The following HERC1 variants were observed in gnomAD, a reference collection of about 807,000 sequenced individuals.
HERC1 encodes probable E3 ubiquitin-protein ligase HERC1.
In HERC1, 160 loss-of-function variants were observed where a neutral mutation model predicts 554.3. The ratio of observed to expected loss-of-function variants is 0.29; its 90% CI spans 0.25 to 0.33. The LOEUF is 0.33. HERC1 is among the 10% of genes least tolerant of loss of function. The pLI is 1.00. For synonymous variants in HERC1, 2,175 were observed against 2,131.7 expected (o/e 1.02, Z -0.56); for missense variants, 4,919 against 5,918.5 (o/e 0.83, Z 5.54).
intron 3 of HERC1, among the ~76,000 whole-genome samples, chr15:63,761,677 T>G (rs2075617005): frequency 1.3e-5 from 2 of 152,116 alleles, no homozygotes; most frequent in Non-Finnish European, 2.9e-5. Context: ...AAAGCATAAT[T>G]TAGAAATTAA....
At chr15:63,818,373 C>T (rs1206917883) in intron 1 of HERC1, among the ~76,000 whole-genome samples, 2 of 152,060 alleles carry the variant, frequency 1.3e-5, no homozygotes, top group African/African-American at 2.4e-5. Context: ...CCCTTTCCTG[C>T]CTGCCTACTC....
At chr15:63,809,842 T>G (rs1473045308) in intron 1 of HERC1, among the ~76,000 whole-genome samples, 2 of 152,018 alleles carry the variant, frequency 1.3e-5, no homozygotes, top group Non-Finnish European at 2.9e-5. Flanking sequence ...TGACGTTTTT[T>G]GTTTTCTGCT....
chr15:63,831,722 G>C (rs1345755598), intron 1 of HERC1, among the ~76,000 whole-genome samples: 1 of 151,978 alleles, frequency 6.6e-6, no homozygotes, highest in Non-Finnish European at 1.5e-5. Flanking sequence ...CGTTGGAATT[G>C]TTATTACTAT....
chr15:63,754,652 G>A lies in HERC1; in HGVS notation c.1631-4C>T. ...CGACTATTGCTGTCACCATGACCTT[G>A]GATAAAACACACACAACAACAAAGA... On this transcript the variant is annotated splice_region_variant and splice_polypyrimidine_tract_variant and intron_variant, in intron 6 of 77. Coordinates refer to ENST00000443617, the MANE Select transcript of HERC1 (RefSeq NM_003922.4). 6.2e-7 allele frequency: 1 copy of A among 1,609,936 alleles called. No homozygotes were observed. Among genetic ancestry groups the A allele is most frequent in the Non-Finnish European group, 8.5e-7 (1 of 1,177,954 alleles).
intron 1 of HERC1, among the ~76,000 whole-genome samples, chr15:63,805,722 G>A (rs1214471055): frequency 6.6e-6 from 1 of 152,146 alleles, no homozygotes; most frequent in East Asian, 1.9e-4. Context: ...TGAGGCAGGA[G>A]GACTGCTTGA....
rs35918222 is a variant in HERC1, at chr15:63,666,005, C to T, written c.8469G>A (p.Gly2823=). The change falls in exon 42 of 78, where the codon GGG becomes GGA. Residue 2823 remains glycine, a synonymous_variant. Coordinates refer to ENST00000443617, the MANE Select transcript of HERC1 (RefSeq NM_003922.4). ...GCAAATAACAGGGATCATTTGACTT[C>T]CCGCCACTGCCTAGAACGGCTGCTC... ...RPGAAVLGSG[G]KSNDPCYLQS... The T allele has an allele frequency of 2.3e-3, 3,772 of 1,614,010 alleles. 88 individuals carry two copies. In the African/African-American group the frequency reaches 0.045, roughly 19 times the overall value.
intron 33 of HERC1, among the ~76,000 whole-genome samples, chr15:63,688,597 G>C (rs149124309): frequency 1.3e-5 from 2 of 152,136 alleles, no homozygotes; most frequent in East Asian, 3.8e-4. Flanking sequence ...GAGAAGGAAT[G>C]GGGATTAATC....
In HERC1 at chr15:63,630,608, C is replaced by T. The variant is rs369058833; in HGVS notation, c.12824G>A (p.Arg4275His). 4.3e-6 allele frequency: 7 copies of T among 1,612,690 alleles called. No individual in the cohort carries two copies. The highest frequency in any genetic ancestry group is 2.7e-5 in the African/African-American group (2 of 74,982). The change falls in exon 69 of 78, where the codon CGT (arginine) becomes CAT (histidine). Residue 4275 changes from arginine (R) to histidine (H), a missense_variant. By Grantham distance (29) the Arg-to-His change is conservative. Around this residue, in one of 11 missense-constraint regions of HERC1, gnomAD observed 410 missense variants for 467.0 expected, o/e 0.88. Coordinates refer to ENST00000443617, the MANE Select transcript of HERC1 (RefSeq NM_003922.4). ...QDRLIGLPEG[R>H]ARNHNRPQQI... is the part of the protein sequence containing the mutation. ...TTGCGGTCGATTGTGATTGCGAGCA[C>T]GCCCCTCTGGCAAGCCTATCAGGCG...
chr15:63,744,235 C>A (rs2074970242), intron 12 of HERC1, among the ~76,000 whole-genome samples: 1 of 151,278 alleles, frequency 6.6e-6, no homozygotes, highest in Non-Finnish European at 1.5e-5. Flanking sequence ...GGTGGAGTGA[C>A]ACAAGCACCC....
intron 67 of HERC1, among the ~76,000 whole-genome samples, chr15:63,633,041 G>C (rs1318044874): frequency 6.6e-6 from 1 of 152,226 alleles, no homozygotes; most frequent in Admixed American, 6.5e-5. Context: ...AAAGTCCCCA[G>C]GGCCCTGTGT....
At chr15:63,621,240 C>T (rs1037800998) in intron 74 of HERC1, among the ~76,000 whole-genome samples, 2 of 151,944 alleles carry the variant, frequency 1.3e-5, no homozygotes, top group East Asian at 1.9e-4. Context: ...TTTTATTTCT[C>T]CTTCACTTAT....
rs146258344 is a variant in HERC1, at chr15:63,630,578, A to G, written c.12854T>C (p.Ile4285Thr). The change falls in exon 69 of 78, where the codon ATC becomes ACC. Residue 4285 changes from isoleucine (I) to threonine (T), a missense_variant. This residue lies in a region of HERC1 where 410 missense variants were observed against 467.0 expected (regional missense o/e 0.88). Transcript: ENST00000443617. ...RARNHNRPQQ[I>T]PVLAGVIIED... ...TATGATTACTCCAGCCAGGACAGGG[A>G]TTTGTTGCGGTCGATTGTGATTGCG... 6.2e-7 allele frequency: 1 copy of G among 1,614,028 alleles called. No homozygotes were observed. Among genetic ancestry groups the G allele is most frequent in the African/African-American group, 1.3e-5 (1 of 75,054 alleles).
chr15:63,621,021 T>A (rs1392488171), intron 74 of HERC1, among the ~76,000 whole-genome samples: 1 of 152,234 alleles, frequency 6.6e-6, no homozygotes, highest in African/African-American at 2.4e-5. Context: ...TATGTGTGAA[T>A]TTGATCCTGT....
At chr15:63,652,598 T>C (rs1277442998) in intron 51 of HERC1, 57 bp from the exon 52 acceptor site, 2 of 1,369,712 alleles carry the variant, frequency 1.5e-6, no homozygotes, top group African/African-American at 1.5e-5. Context: ...TTTTATTATT[T>C]GAAAAAGTTG....
At chr15:63,620,752 C>T (rs2068039417) in intron 74 of HERC1, among the ~76,000 whole-genome samples, 1 of 152,114 alleles carries the variant, frequency 6.6e-6, no homozygotes, top group African/African-American at 2.4e-5. Flanking sequence ...TATGTAATGG[C>T]CTTCTTTGTC....
At position 63,729,027 on chromosome 15, in the gene HERC1, A is replaced by T. The variant is rs957153474; in HGVS notation, c.3154+209T>A. Among the ~76,000 whole-genome samples the T allele has an allele frequency of 2.0e-5, 3 of 152,096 alleles. No individual in the cohort carries two copies. In the South Asian group the frequency reaches 6.2e-4, roughly 32 times the overall value. On this transcript the variant is annotated intron_variant, in intron 16 of 77. Transcript: ENST00000443617. Reference sequence around the variant, plus strand: ...TGAGTTTATATCATCCAGTGCCTTTAAATTAGGCCTCTGTCATGCCAAGTA... The same window carrying T: ...TGAGTTTATATCATCCAGTGCCTTTTAATTAGGCCTCTGTCATGCCAAGTA...
chr15:63,614,619 T>G (rs764288850), intron 76 of HERC1, among the ~76,000 whole-genome samples: 17 of 152,200 alleles, frequency 1.1e-4, no homozygotes, highest in Non-Finnish European at 2.2e-4. Flanking sequence ...TAAACTTCTA[T>G]AGCTTCACAG....
At chr15:63,713,849 C>A in intron 22 of HERC1, 184 bp from the exon 23 acceptor site, 1 of 513,102 alleles carries the variant, frequency 1.9e-6, no homozygotes, top group Non-Finnish European at 3.4e-6. Context: ...TACTAAAATA[C>A]TATATTTTCA....
intron 73 of HERC1, among the ~76,000 whole-genome samples, chr15:63,623,194 C>G (rs1371892526): frequency 9.9e-5 from 15 of 152,098 alleles, no homozygotes. Context: ...TGATAGCCAA[C>G]CATTATTTTA....
Sources: allele counts gnomAD v4.1 joint callset (sites outside exome capture counted in the v4.1 genomes callset), GRCh38; gene constraint gnomAD v4.1.1; regional missense constraint gnomAD v4.1.1; transcripts MANE v1.5; gene names NCBI Gene and HGNC (gene_info 2026-07-23, HGNC 2026-07-21).